CDH22: variants seen among roughly 807,000 people sequenced by gnomAD.
The protein encoded by CDH22 is cadherin 22.
In CDH22, 30 loss-of-function variants were observed where a neutral mutation model predicts 58.4. That is an observed-to-expected ratio of 0.51 (90% CI 0.38 to 0.70). The LOEUF (loss-of-function observed/expected upper bound fraction) is 0.70. Among genes scored for constraint, CDH22 ranks in the 30% least tolerant of loss-of-function variants. The pLI is 0.00. For missense variants in CDH22, 1,014 were observed against 1,233.9 expected, an observed-to-expected ratio of 0.82 and a Z score of 2.67; for synonymous variants, 513 against 558.2, an observed-to-expected ratio of 0.92 and a Z score of 1.14.
intron 1 of CDH22, among the ~76,000 whole-genome samples, chr20:46,282,137 A>C (rs1415191025): frequency 6.6e-6 from 1 of 152,220 alleles, no homozygotes; most frequent in Non-Finnish European, 1.5e-5. Flanking sequence ...TCATTTATTC[A>C]TTGAAAAAAT....
At chr20:46,304,883 C>T (rs115318483) in intron 1 of CDH22, among the ~76,000 whole-genome samples, 2 of 152,112 alleles carry the variant, frequency 1.3e-5, no homozygotes, top group Non-Finnish European at 1.5e-5. Flanking sequence ...GTATATGAAG[C>T]CTTTTTGCAA....
intron 7 of CDH22, among the ~76,000 whole-genome samples, chr20:46,203,306 G>A (rs1240338593): frequency 6.7e-6 from 1 of 149,494 alleles, no homozygotes; most frequent in Non-Finnish European, 1.5e-5. Flanking sequence ...GGCAGGGACT[G>A]TGGCCTGGCA....
chr20:46,196,707 T>C (rs2085905875), intron 8 of CDH22, among the ~76,000 whole-genome samples: 1 of 152,120 alleles, frequency 6.6e-6, no homozygotes, highest in Non-Finnish European at 1.5e-5. Flanking sequence ...TGAGTCAGGT[T>C]CCTCATCCCC....
At chr20:46,203,080 T>C (rs1336913923) in intron 7 of CDH22, among the ~76,000 whole-genome samples, 1 of 152,168 alleles carries the variant, frequency 6.6e-6, no homozygotes, top group Non-Finnish European at 1.5e-5. Flanking sequence ...CTTTTGTTCT[T>C]TCCTCGAGGG....
Position 46,289,064 on chromosome 20 carries a change from C to T in CDH22, c.-400+19191G>A, listed in dbSNP as rs369415532. Reference sequence around the variant, plus strand: ...TTACTTCTCTGACCTTTTCCTACTCCCCTCTCCCTCTATTTCAGCCACACT... The same window carrying T: ...TTACTTCTCTGACCTTTTCCTACTCTCCTCTCCCTCTATTTCAGCCACACT... On this transcript the variant is annotated intron_variant, in intron 1 of 11. Transcript: ENST00000537909. Among the ~76,000 whole-genome samples the T allele has an allele frequency of 8.5e-5, 13 of 152,242 alleles. No homozygotes were observed. The South Asian group carries it at 2.7e-3, about 32-fold the overall frequency.
chr20:46,262,934 T>C (rs911503298), intron 1 of CDH22, among the ~76,000 whole-genome samples: 3 of 152,222 alleles, frequency 2.0e-5, no homozygotes, highest in African/African-American at 7.2e-5. Context: ...TCTCCCTTGC[T>C]GTCCCACGTC....
At chr20:46,277,270 G>A (rs1246774147) in intron 1 of CDH22, among the ~76,000 whole-genome samples, 1 of 152,190 alleles carries the variant, frequency 6.6e-6, no homozygotes, top group Non-Finnish European at 1.5e-5. Flanking sequence ...ATATGGTGGT[G>A]TATGAACCAA....
At chr20:46,283,984 A>T (rs552573458) in intron 1 of CDH22, among the ~76,000 whole-genome samples, 2 of 152,298 alleles carry the variant, frequency 1.3e-5, no homozygotes, top group Admixed American at 1.3e-4. Context: ...GAATGAAGGT[A>T]ATTAGTCCCC....
intron 10 of CDH22, among the ~76,000 whole-genome samples, chr20:46,181,748 CTTCCTTCT>C (rs1161247825): frequency 1.1e-4 from 3 of 26,318 alleles, no homozygotes; most frequent in African/African-American, 3.8e-4. Context: ...TCCTTCCTTC[CTTCCTTCT>C]TTCTTTCTTT....
chr20:46,184,093 TTC>T (rs1386815701), intron 10 of CDH22, among the ~76,000 whole-genome samples: 1 of 150,652 alleles, frequency 6.6e-6, no homozygotes, highest in Non-Finnish European at 1.5e-5. Flanking sequence ...TTACCCTGCT[TTC>T]TCTCTCTCTT....
At chr20:46,275,039 C>T (rs149292949) in intron 1 of CDH22, among the ~76,000 whole-genome samples, 25 of 152,232 alleles carry the variant, frequency 1.6e-4, no homozygotes, top group African/African-American at 4.6e-4. Flanking sequence ...CTGTAATTTA[C>T]GAAAACTCAT....
chr20:46,206,352 T>G (rs1342683166), intron 7 of CDH22, among the ~76,000 whole-genome samples: 1 of 152,174 alleles, frequency 6.6e-6, no homozygotes, highest in Admixed American at 6.5e-5. Context: ...TACAATACCC[T>G]CTGAAGGGTA....
At chr20:46,198,933 T>C (rs1412188108) in intron 8 of CDH22, among the ~76,000 whole-genome samples, 1 of 152,206 alleles carries the variant, frequency 6.6e-6, no homozygotes, top group Non-Finnish European at 1.5e-5. Flanking sequence ...CCCAGTTCCC[T>C]TTCCCAGCCT....
chr20:46,185,211 G>A (rs1276579170), intron 10 of CDH22, among the ~76,000 whole-genome samples: 2 of 152,002 alleles, frequency 1.3e-5, no homozygotes, highest in African/African-American at 4.8e-5. Flanking sequence ...AGCTTGCCAG[G>A]GTGGTATAGA....
intron 4 of CDH22, among the ~76,000 whole-genome samples, chr20:46,223,759 TC>T (rs1305689549): frequency 3.0e-4 from 45 of 150,174 alleles, no homozygotes; most frequent in Admixed American, 2.8e-3. Context: ...TCTTTCTTTT[TC>T]TTTCTTTCTT....
chr20:46,179,076 C>T (rs1243208850), intron 10 of CDH22, among the ~76,000 whole-genome samples: 1 of 152,202 alleles, frequency 6.6e-6, no homozygotes, highest in African/African-American at 2.4e-5. Flanking sequence ...AGGTGGCACC[C>T]CCTTCTCCGC....
rs1483888689 is a variant in CDH22, at chr20:46,174,372, C to A, written c.*134G>T. The A allele has an allele frequency of 4.3e-5, 26 of 611,060 alleles. No homozygotes were observed. The highest frequency in any genetic ancestry group is 4.4e-4 in the Middle Eastern group (1 of 2,266). The allele number at this position is 611,060 out of a possible 1,614,324, so 37.9% of individuals were successfully genotyped here. A position where few individuals can be genotyped will look rare whatever the true frequency, so the allele number is the denominator to read the frequency against. On this transcript the variant is annotated 3_prime_UTR_variant, in exon 12 of 12. Coordinates refer to ENST00000537909, the MANE Select transcript of CDH22 (RefSeq NM_021248.3). The surrounding 1 kb of genome is among the most constrained non-coding windows in gnomAD (Gnocchi z 4.4). ...ATGGAAGAGTCCGCTCCTAGCAAGT[C>A]CCCCCTCCGTCCAGCCGCCAAGGGA... is the stretch of plus-strand genomic sequence containing the variant.
At chr20:46,265,772 C>A (rs1347139511) in intron 1 of CDH22, among the ~76,000 whole-genome samples, 1 of 152,124 alleles carries the variant, frequency 6.6e-6, no homozygotes, top group African/African-American at 2.4e-5. Context: ...GAAATCCATT[C>A]ATCCATTCTC....
rs1035151573 is a variant in CDH22, at chr20:46,182,948, G to A, written c.1663+3640C>T. On this transcript the variant is annotated intron_variant, in intron 10 of 11. Coordinates refer to ENST00000537909, the MANE Select transcript of CDH22 (RefSeq NM_021248.3). ...CTTCCACGGCTGCTGTGACCTCAGC[G>A]TGCTGCTGCCACCCTGTCCCCGGAG... is the stretch of plus-strand genomic sequence containing the variant. Among the ~76,000 whole-genome samples, 178 of 152,260 alleles carry A rather than the reference G, an allele frequency of 1.2e-3. 1 individual carries two copies. The highest frequency in any genetic ancestry group is 2.0e-3 in the Non-Finnish European group (133 of 68,012).
Sources: gnomAD v4.1 joint callset for allele counts (sites outside exome capture counted in the v4.1 genomes callset) on GRCh38, gnomAD v4.1.1 for gene constraint, Gnocchi (gnomAD v3.1) non-coding constraint, MANE v1.5 for transcripts, NCBI Gene and HGNC (gene_info 2026-07-23, HGNC 2026-07-21) for gene names.